The following SLC6A9 variants were observed in gnomAD, a reference collection of about 807,000 sequenced individuals.
SLC6A9 encodes the protein sodium- and chloride-dependent glycine transporter 1.
In SLC6A9, 31 loss-of-function variants were observed where a neutral mutation model predicts 70.9. The ratio of observed to expected loss-of-function variants is 0.44; its 90% CI spans 0.33 to 0.59. SLC6A9 has a LOEUF of 0.59. Among genes scored for constraint, SLC6A9 ranks in the 20% least tolerant of loss-of-function variants. The pLI, the probability that SLC6A9 is intolerant of heterozygous loss-of-function variation, is 0.04. For synonymous variants in SLC6A9, 310 were observed against 341.3 expected (o/e 0.91, Z 1.01); for missense variants, 631 against 845.2 (o/e 0.75, Z 3.14).
chr1:44,025,256 G>A (rs2086960351), intron 1 of SLC6A9, among the ~76,000 whole-genome samples: 1 of 139,786 alleles, frequency 7.2e-6, no homozygotes. Flanking sequence ...AGGGGTCCAG[G>A]CCAGCCCAGG....
chr1:44,019,406 C>T (rs1199770081), intron 2 of SLC6A9, among the ~76,000 whole-genome samples: 1 of 152,270 alleles, frequency 6.6e-6, no homozygotes, highest in African/African-American at 2.4e-5. Context: ...ATCCTACCGA[C>T]TCAGCTGCTC....
chr1:43,999,941 C>T (rs1362407429), intron 12 of SLC6A9, among the ~76,000 whole-genome samples: 1 of 152,214 alleles, frequency 6.6e-6, no homozygotes, highest in African/African-American at 2.4e-5. Context: ...CCAAGTCATA[C>T]GGTTTTGGCC....
intron 12 of SLC6A9, among the ~76,000 whole-genome samples, chr1:43,998,989 G>GT (rs1316213392): frequency 6.6e-6 from 1 of 151,242 alleles, no homozygotes; most frequent in East Asian, 2.0e-4. Context: ...GGAAGGGGGG[G>GT]GGCAGTCCCA....
At chr1:44,011,628 C>T (rs555785663) in intron 2 of SLC6A9, 1 of 1,614,098 alleles carries the variant, frequency 6.2e-7, no homozygotes, top group African/African-American at 1.3e-5. Flanking sequence ...GGCCCCATGC[C>T]AGACTTTGAG....
intron 2 of SLC6A9, chr1:44,017,258 C>A: frequency 6.6e-7 from 1 of 1,506,870 alleles, no homozygotes; most frequent in Non-Finnish European, 8.8e-7. Context: ...CTCCCCTGGC[C>A]CTGCCCCTCC....
intron 12 of SLC6A9, among the ~76,000 whole-genome samples, chr1:43,999,352 G>A (rs900506480): frequency 9.9e-5 from 15 of 151,650 alleles, no homozygotes; most frequent in African/African-American, 2.7e-4. Context: ...AGCCCCGCCC[G>A]CTGTGCCTCA....
At position 44,008,635 on chromosome 1, in the gene SLC6A9, G is replaced by A. The variant is rs747608471; in HGVS notation, c.320-12C>T. ...ACCATAGCCCACTCCTGCAGGAGGG[G>A]AGGGGTGGGGGGAGGAGCCTCAGCA... On this transcript the variant is annotated splice_polypyrimidine_tract_variant and intron_variant, in intron 4 of 13. Coordinates refer to ENST00000372310, the MANE Select transcript of SLC6A9 (RefSeq NM_001024845.3). The A allele has an allele frequency of 1.2e-6, 2 of 1,610,460 alleles. No individual in the cohort carries two copies. The highest frequency in any genetic ancestry group is 1.7e-6 in the Non-Finnish European group (2 of 1,177,204).
In SLC6A9 at chr1:44,002,547, G is replaced by A; in HGVS notation, c.823C>T (p.Leu275=). The change falls in exon 7 of 14, where the codon CTA becomes TTA. Residue 275 remains leucine, a synonymous_variant. Transcript: ENST00000372310. This position sits in a 1 kb window ranked among gnomAD's most constrained non-coding sequence, Gnocchi z 5.5. ...AGGATCTTGTCCCACTGCGGGGTTAGGTAGTACATGATGCCGTCAAAGGCT... is the reference window on the plus strand; with the variant it reads ...AGGATCTTGTCCCACTGCGGGGTTAAGTAGTACATGATGCCGTCAAAGGCT... The part of the protein sequence containing the change: ...EGAFDGIMYY[L]TPQWDKILEA... 6.2e-7 allele frequency: 1 copy of A among 1,614,124 alleles called. No homozygotes were observed. The highest frequency in any genetic ancestry group is 8.5e-7 in the Non-Finnish European group (1 of 1,180,000).
chr1:43,999,156 G>A (rs1375535888), intron 12 of SLC6A9, among the ~76,000 whole-genome samples: 11 of 152,056 alleles, frequency 7.2e-5, no homozygotes, highest in Admixed American at 6.5e-4. Flanking sequence ...ACCTACGTGT[G>A]GACAAATCCC....
intron 2 of SLC6A9, 128 bp from the exon 3 acceptor site, chr1:44,011,010 A>G (rs910996634): frequency 1.6e-5 from 15 of 952,566 alleles, no homozygotes; most frequent in African/African-American, 1.1e-4. Flanking sequence ...CTCTGCTGGC[A>G]GGAGCTTCAG....
chr1:44,019,122 T>A (rs1184286313), intron 2 of SLC6A9, among the ~76,000 whole-genome samples: 1 of 152,156 alleles, frequency 6.6e-6, no homozygotes, highest in Non-Finnish European at 1.5e-5. Flanking sequence ...TTGAATCTAG[T>A]GAGCATTAGT....
chr1:44,010,100 G>GT lies in SLC6A9; in HGVS notation c.188-5dup. On this transcript the variant is annotated splice_polypyrimidine_tract_variant and splice_region_variant and intron_variant, in intron 3 of 13. Transcript: ENST00000372310. ...AAGTAGGGGAACATGAAGGCGCCTG[G>GT]TAGGCAGGGAGAGGTCTGGCTCAGG... 1 of 1,613,698 alleles carries GT rather than the reference G, an allele frequency of 6.2e-7. No homozygotes were observed. The highest frequency in any genetic ancestry group is 1.3e-5 in the African/African-American group (1 of 75,034).
chr1:44,011,436 G>C, intron 2 of SLC6A9: 1 of 796,530 alleles, frequency 1.3e-6, no homozygotes. Flanking sequence ...GGGCAGGGCT[G>C]GGGGGAAATG....
chr1:44,022,087 T>C (rs545648791), intron 2 of SLC6A9, among the ~76,000 whole-genome samples: 1 of 152,356 alleles, frequency 6.6e-6, no homozygotes, highest in South Asian at 2.1e-4. Flanking sequence ...AGGCACATCC[T>C]GGTGCTGGGA....
chr1:44,018,764 C>T lies in SLC6A9; in HGVS notation c.30+5484G>A, dbSNP rs1029327928. Among the ~76,000 whole-genome samples the T allele has an allele frequency of 6.6e-6, 1 of 151,834 alleles. No homozygotes were observed. The highest frequency in any genetic ancestry group is 2.4e-5 in the African/African-American group (1 of 41,340). ...ACCAGCCTGGGCAACATAGTGAGAC[C>T]GTGTCTCTACAAAAAACTGGCAAGG... On this transcript the variant is annotated intron_variant, in intron 2 of 13. Transcript: ENST00000372310. The surrounding 1 kb of genome is among the most constrained non-coding windows in gnomAD (Gnocchi z 4.2).
chr1:44,014,059 G>A (rs1200976511), intron 2 of SLC6A9, among the ~76,000 whole-genome samples: 2 of 152,112 alleles, frequency 1.3e-5, no homozygotes, highest in East Asian at 1.9e-4. Flanking sequence ...CTGGCTGCCC[G>A]TCTGCCTGAG....
intron 2 of SLC6A9, chr1:44,011,786 T>A: frequency 6.5e-7 from 1 of 1,542,976 alleles, no homozygotes; most frequent in Non-Finnish European, 8.9e-7. Context: ...GGGAAGAATG[T>A]GGGGCCTGCA....
At chr1:44,011,819 C>T in intron 2 of SLC6A9, 2 of 1,248,788 alleles carry the variant, frequency 1.6e-6, no homozygotes, top group Non-Finnish European at 2.3e-6. Flanking sequence ...TGGCCTGGGC[C>T]CCACTGAGGA....
rs989767754 is a variant in SLC6A9, at chr1:44,018,525, T to G, written c.30+5723A>C. Among the ~76,000 whole-genome samples the G allele has an allele frequency of 2.7e-5, 4 of 150,066 alleles. No homozygotes were observed. Among genetic ancestry groups the G allele is most frequent in the East Asian group, 2.0e-4 (1 of 5,122 alleles). On this transcript the variant is annotated intron_variant, in intron 2 of 13. Transcript: ENST00000372310. This position sits in a 1 kb window ranked among gnomAD's most constrained non-coding sequence, Gnocchi z 4.2. ...GGGAGAATCGCTTGAACCCGGGAGG[T>G]GGAGGTTGCAGTGAGCCGAGATCGC...
Sources: gnomAD v4.1 joint callset for allele counts (sites outside exome capture counted in the v4.1 genomes callset) on GRCh38, gnomAD v4.1.1 for gene constraint, Gnocchi (gnomAD v3.1) non-coding constraint, MANE v1.5 for transcripts, NCBI Gene and HGNC (gene_info 2026-07-23, HGNC 2026-07-21) for gene names.